TMEM108: variants seen among roughly 807,000 people sequenced by gnomAD.
The protein encoded by TMEM108 is transmembrane protein 108, also known as cancer/testis antigen 124.
Under a neutral mutation model 35.1 loss-of-function variants are expected in TMEM108, and 12 were observed. The observed-to-expected ratio is 0.34, with a 90% CI of 0.22 to 0.55. The LOEUF (loss-of-function observed/expected upper bound fraction) is 0.55. Among genes scored for constraint, TMEM108 ranks in the 20% least tolerant of loss-of-function variants. The probability of loss-of-function intolerance (pLI) is 0.89; values close to 1 mark genes in which losing one functional copy is unlikely to be tolerated. For missense variants in TMEM108, 680 were observed against 753.3 expected, an observed-to-expected ratio of 0.90 and a Z score of 1.14; for synonymous variants, 287 against 308.6, an observed-to-expected ratio of 0.93 and a Z score of 0.73.
chr3:133,146,590 G>A (rs536062655), intron 2 of TMEM108, among the ~76,000 whole-genome samples: 8 of 152,260 alleles, frequency 5.3e-5, no homozygotes, highest in African/African-American at 1.9e-4. Context: ...AATCTGTCTG[G>A]TCATGGGCTT....
At chr3:133,084,118 G>T (rs1020482401) in intron 2 of TMEM108, among the ~76,000 whole-genome samples, 2 of 113,410 alleles carry the variant, frequency 1.8e-5, no homozygotes, top group African/African-American at 5.3e-5. Context: ...TCTTTTTCTT[G>T]AATTAAAAAA....
intron 3 of TMEM108, among the ~76,000 whole-genome samples, chr3:133,250,544 T>C (rs1946453412): frequency 6.6e-6 from 1 of 152,246 alleles, no homozygotes; most frequent in African/African-American, 2.4e-5. Context: ...AAGTTATATG[T>C]GGATTTTCAA....
At chr3:133,232,881 G>T (rs1240389300) in intron 3 of TMEM108, among the ~76,000 whole-genome samples, 1 of 152,148 alleles carries the variant, frequency 6.6e-6, no homozygotes, top group East Asian at 1.9e-4. Context: ...GGTGATGAGA[G>T]CCTTTATGGT....
chr3:133,116,110 G>C (rs1944285153), intron 2 of TMEM108, among the ~76,000 whole-genome samples: 1 of 152,176 alleles, frequency 6.6e-6, no homozygotes, highest in Admixed American at 6.5e-5. Flanking sequence ...TAAATGGATG[G>C]TCTGCCTCTA....
intron 3 of TMEM108, among the ~76,000 whole-genome samples, chr3:133,259,943 TAA>T (rs1946601426): frequency 6.6e-6 from 1 of 152,032 alleles, no homozygotes; most frequent in Non-Finnish European, 1.5e-5. Flanking sequence ...AGGCGTGTGG[TAA>T]CAGAGCCCAG....
At chr3:133,145,297 G>A (rs146271152) in intron 2 of TMEM108, among the ~76,000 whole-genome samples, 4 of 152,206 alleles carry the variant, frequency 2.6e-5, no homozygotes, top group Admixed American at 6.5e-5. Context: ...TATTTCTGAG[G>A]CCTCTGTTTT....
intron 2 of TMEM108, among the ~76,000 whole-genome samples, chr3:133,122,264 T>G (rs183921132): frequency 5.3e-5 from 8 of 152,310 alleles, no homozygotes; most frequent in Non-Finnish European, 1.5e-5. Context: ...TTTTTAATCT[T>G]GATTTATGTA....
rs1404621657 is a variant in TMEM108 at position 133,038,414 on chromosome 3, G to A, written c.-187G>A. On this transcript the variant is annotated 5_prime_UTR_variant, in exon 1 of 6. Transcript: ENST00000321871. ...GGGCTTTCTCCTGAGCCGTCGGAGGGAGCCGGAGCGCTTCTCCCGAGGTAA... is the reference window on the plus strand; with the variant it reads ...GGGCTTTCTCCTGAGCCGTCGGAGGAAGCCGGAGCGCTTCTCCCGAGGTAA... The A allele has an allele frequency of 6.6e-6, 1 of 152,334 alleles. No homozygotes were observed. Among genetic ancestry groups the A allele is most frequent in the Admixed American group, 6.5e-5 (1 of 15,290 alleles). The allele number at this position is 152,334 out of a possible 1,614,324, so 9.4% of individuals were successfully genotyped here.
chr3:133,080,419 T>A (rs1461611687), intron 2 of TMEM108, among the ~76,000 whole-genome samples: 7 of 152,210 alleles, frequency 4.6e-5, no homozygotes, highest in Non-Finnish European at 1.0e-4. Flanking sequence ...CTTCACCATA[T>A]TTTTTGCATG....
chr3:133,211,731 C>G (rs1300438091), intron 2 of TMEM108, among the ~76,000 whole-genome samples: 1 of 152,076 alleles, frequency 6.6e-6, no homozygotes, highest in African/African-American at 2.4e-5. Flanking sequence ...AGCAGAACAC[C>G]CTCCCTCAAC....
chr3:133,308,897 T>C (rs893193219), intron 3 of TMEM108, among the ~76,000 whole-genome samples: 4 of 152,172 alleles, frequency 2.6e-5, no homozygotes, highest in Admixed American at 2.0e-4. Flanking sequence ...GGGAGGATTC[T>C]CTCTTTTTCT....
chr3:133,342,735 T>G (rs942213033), intron 3 of TMEM108, among the ~76,000 whole-genome samples: 7 of 150,504 alleles, frequency 4.7e-5, no homozygotes, highest in Non-Finnish European at 1.0e-4. Flanking sequence ...GAGAGCAGAA[T>G]TGTGATTACT....
chr3:133,379,982 C>T lies in TMEM108; in HGVS notation c.271C>T (p.His91Tyr). 1.9e-6 allele frequency: 3 copies of T among 1,613,966 alleles called. No individual in the cohort carries two copies. The highest frequency in any genetic ancestry group is 2.5e-6 in the Non-Finnish European group (3 of 1,179,966). ...AACACCGACACCCCGTGCAGAGGGG[C>T]ACCCTCCTACGCACACCATCTCCAC... The part of the protein sequence containing the change: ...MATPTPRAEG[H>Y]PPTHTISTIA... Residue 91 changes from histidine to tyrosine, a missense_variant, in exon 4 of 6, where the codon CAC (histidine) becomes TAC (tyrosine). Physicochemically the swap from His to Tyr is moderately conservative, Grantham distance 83. This residue lies in a region of TMEM108 where 526 missense variants were observed against 532.1 expected (regional missense o/e 0.99). Transcript: ENST00000321871.
rs549303877 is a variant in TMEM108, at chr3:133,292,648, C to T, written c.40+63297C>T. ...TCAGAGCCTGCCTGCTATGGGGACC[C>T]TGGAGACAGTTTTTATAAAGTTTTT... On this transcript the variant is annotated intron_variant, in intron 3 of 5. Transcript: ENST00000321871. Among the ~76,000 whole-genome samples, 9 of 152,320 alleles carry T rather than the reference C, an allele frequency of 5.9e-5. No individual in the cohort carries two copies. In the South Asian group the frequency reaches 1.7e-3, roughly 28 times the overall value.
In TMEM108 at chr3:133,313,260, C is replaced by T. The variant is rs183976849; in HGVS notation, c.41-66492C>T. 7.7e-3 allele frequency among the ~76,000 whole-genome samples: 1,163 copies of T among 150,892 alleles called. 18 individuals carry two copies. Among genetic ancestry groups the T allele is most frequent in the African/African-American group, 0.027 (1,097 of 41,018 alleles). ...TCACCCAGGCTGGAGTGCAGTGGTG[C>T]GATCTCAGCTCACTGCAAGCTCCGC... On this transcript the variant is annotated intron_variant, in intron 3 of 5. Coordinates refer to ENST00000321871, the MANE Select transcript of TMEM108 (RefSeq NM_023943.4).
chr3:133,395,528 T>C lies in TMEM108; in HGVS notation c.1606-336T>C, dbSNP rs79554930. 8.7e-3 allele frequency among the ~76,000 whole-genome samples: 1,327 copies of C among 152,336 alleles called. 22 individuals are homozygous for C. The highest frequency in any genetic ancestry group is 0.03 in the African/African-American group (1,256 of 41,574). ...CCATGCACTGTATGTGTGTCATGCA[T>C]GGCAAGTCCCCTCAGACTTTGACAA... is the stretch of plus-strand genomic sequence containing the variant. On this transcript the variant is annotated intron_variant, in intron 5 of 5. Coordinates refer to ENST00000321871, the MANE Select transcript of TMEM108 (RefSeq NM_023943.4).
intron 2 of TMEM108, among the ~76,000 whole-genome samples, chr3:133,140,157 A>G (rs1413884418): frequency 6.6e-6 from 1 of 152,190 alleles, no homozygotes; most frequent in Non-Finnish European, 1.5e-5. Context: ...CCCTTTGGGG[A>G]AAAGATTTGC....
At chr3:133,090,962 C>T (rs553289048) in intron 2 of TMEM108, among the ~76,000 whole-genome samples, 1 of 152,188 alleles carries the variant, frequency 6.6e-6, no homozygotes, top group South Asian at 2.1e-4. Context: ...CATCCTTGCA[C>T]ATTAGATTAA....
intron 2 of TMEM108, among the ~76,000 whole-genome samples, chr3:133,220,204 G>T (rs888691459): frequency 6.1e-5 from 9 of 148,388 alleles, no homozygotes; most frequent in Non-Finnish European, 4.5e-5. Flanking sequence ...CTTTCATTTT[G>T]TATGTGTCCT....
Sources: allele counts gnomAD v4.1 joint callset (sites outside exome capture counted in the v4.1 genomes callset), GRCh38; gene constraint gnomAD v4.1.1; regional missense constraint gnomAD v4.1.1; transcripts MANE v1.5; gene names NCBI Gene and HGNC (gene_info 2026-07-23, HGNC 2026-07-21).